Variants in C20orf203 observed in about 807,000 individuals in gnomAD.
C20orf203 encodes the protein uncharacterized protein C20orf203.
Under a neutral mutation model 15.9 loss-of-function variants are expected in C20orf203, and 16 were observed. The ratio of observed to expected loss-of-function variants is 1.01; its 90% CI spans 0.68 to 1.53. The LOEUF is 1.53. Ranked by LOEUF, C20orf203 falls within the 40% of genes most tolerant of loss-of-function variation. C20orf203 has a pLI of 0.00. For synonymous variants in C20orf203, 98 were observed against 97.2 expected (o/e 1.01, Z -0.05); for missense variants, 263 against 247.5 (o/e 1.06, Z -0.42).
intron 5 of C20orf203, among the ~76,000 whole-genome samples, chr20:32,639,116 G>A (rs551788641): frequency 5.9e-5 from 9 of 152,330 alleles, no homozygotes; most frequent in Admixed American, 4.6e-4. Flanking sequence ...TGGCTCCCCT[G>A]GCTGGCCTGG....
At chr20:32,635,730 G>T (rs138014611) in intron 5 of C20orf203, among the ~76,000 whole-genome samples, 1 of 152,322 alleles carries the variant, frequency 6.6e-6, no homozygotes, top group African/African-American at 2.4e-5. Context: ...AGGATCGCTT[G>T]CCTAGGTGAC....
chr20:32,647,149 C>T (rs2145667577), intron 4 of C20orf203, among the ~76,000 whole-genome samples: 1 of 152,332 alleles, frequency 6.6e-6, no homozygotes, highest in South Asian at 2.1e-4. Flanking sequence ...AATCCCAGCA[C>T]TTTGGGAGGC....
chr20:32,659,001 G>A (rs1016889196), intron 1 of C20orf203, among the ~76,000 whole-genome samples: 3 of 151,954 alleles, frequency 2.0e-5, no homozygotes, highest in East Asian at 3.9e-4. Context: ...TCAGCCTCCC[G>A]AGTAGCTGGG....
Position 32,636,976 on chromosome 20 carries a change from G to A in C20orf203, c.*1300-2706C>T, listed in dbSNP as rs529402625. ...AGGACATGTTCACACTCCCACTGCC[G>A]GGAGACAGCAGCCTGAGAGTCACCA... is the stretch of plus-strand genomic sequence containing the variant. On this transcript the variant is annotated intron_variant, in intron 5 of 5. Transcript: ENST00000608990. 5.9e-5 allele frequency among the ~76,000 whole-genome samples: 9 copies of A among 152,296 alleles called. No individual in the cohort carries two copies. In the East Asian group the frequency reaches 1.2e-3, roughly 20 times the overall value.
At chr20:32,669,179 G>C (rs1450333056) in intron 1 of C20orf203, among the ~76,000 whole-genome samples, 1 of 152,202 alleles carries the variant, frequency 6.6e-6, no homozygotes, top group African/African-American at 2.4e-5. Flanking sequence ...ATGCAGGCAA[G>C]GGGCTTGGCC....
intron 1 of C20orf203, among the ~76,000 whole-genome samples, chr20:32,665,533 AGACTG>A (rs1204807813): frequency 1.3e-5 from 2 of 152,238 alleles, no homozygotes; most frequent in Non-Finnish European, 2.9e-5. Flanking sequence ...GCCCTGCCCA[AGACTG>A]GGAAGAGCAA....
At chr20:32,647,395 C>CAAA (rs1181319264) in intron 4 of C20orf203, among the ~76,000 whole-genome samples, 2 of 94,006 alleles carry the variant, frequency 2.1e-5, no homozygotes, top group Non-Finnish European at 2.1e-5. Context: ...AACTCCGTCT[C>CAAA]AAAAAAAAAA....
At chr20:32,666,823 A>G (rs543038211) in intron 1 of C20orf203, among the ~76,000 whole-genome samples, 2 of 106,794 alleles carry the variant, frequency 1.9e-5, no homozygotes, top group Admixed American at 8.9e-5. Flanking sequence ...ATATATATAT[A>G]TAGTTTTGTT....
At chr20:32,671,813 TG>T (rs1983172919) in intron 1 of C20orf203, among the ~76,000 whole-genome samples, 1 of 111,704 alleles carries the variant, frequency 9.0e-6, no homozygotes, top group African/African-American at 3.5e-5. Context: ...CACTCCAGCC[TG>T]GGCAACAAGA....
intron 1 of C20orf203, among the ~76,000 whole-genome samples, chr20:32,652,718 G>A (rs1568751165): frequency 1.3e-5 from 2 of 152,140 alleles, no homozygotes; most frequent in African/African-American, 2.4e-5. Context: ...CTTCCAGGTA[G>A]CCAGACACGC....
At chr20:32,652,986 A>G (rs969543136) in intron 1 of C20orf203, among the ~76,000 whole-genome samples, 5 of 152,186 alleles carry the variant, frequency 3.3e-5, no homozygotes, top group African/African-American at 1.2e-4. Flanking sequence ...GGGCTGGTCT[A>G]GCCACAGGAA....
rs1324847832 is a variant in C20orf203, at chr20:32,650,977, G to A, written c.135+41C>T. 4.1e-6 allele frequency: 6 copies of A among 1,448,492 alleles called. No homozygotes were observed. The East Asian group carries it at 1.5e-4, about 37-fold the overall frequency. 89.7% of individuals were successfully genotyped at this position (1,448,492 alleles called of 1,614,324 possible). A position where few individuals can be genotyped will look rare whatever the true frequency, so the allele number is the denominator to read the frequency against. On this transcript the variant is annotated intron_variant, in intron 3 of 5. Transcript: ENST00000608990. ...TTCCCTAATTTCCCAACAGTCCCCA[G>A]TGTCAGCCCAGGTGTGGGAGACAGG...
intron 4 of C20orf203, among the ~76,000 whole-genome samples, chr20:32,642,080 A>G (rs1982297924): frequency 6.6e-6 from 1 of 152,148 alleles, no homozygotes. Context: ...GACTCAAGCA[A>G]TCCTCCTGCC....
rs954212945 is a variant in C20orf203 at position 32,650,239 on chromosome 20, G to A, written c.*193C>T. On this transcript the variant is annotated 3_prime_UTR_variant, in exon 4 of 6. Coordinates refer to ENST00000608990, the MANE Select transcript of C20orf203 (RefSeq NM_182584.4). ...TGGCACAGCCTCGGTCCCTAATCAT[G>A]TTTGCTGAATGCCTTGAATACAAGC... 3.4e-6 allele frequency: 2 copies of A among 591,564 alleles called. No homozygotes were observed. The highest frequency in any genetic ancestry group is 6.0e-6 in the Non-Finnish European group (2 of 332,536). 36.6% of individuals were successfully genotyped at this position (591,564 alleles called of 1,614,324 possible). A position where few individuals can be genotyped will look rare whatever the true frequency, so the allele number is the denominator to read the frequency against.
intron 4 of C20orf203, among the ~76,000 whole-genome samples, chr20:32,644,193 AT>A (rs1378217556): frequency 1.3e-5 from 2 of 152,212 alleles, no homozygotes; most frequent in African/African-American, 2.4e-5. Context: ...TACGCCTGTA[AT>A]CCTAGCACTT....
rs981746985 is a variant in C20orf203, at chr20:32,636,848, G to T, written c.*1300-2578C>A. 4.6e-5 allele frequency among the ~76,000 whole-genome samples: 7 copies of T among 152,322 alleles called. No individual in the cohort carries two copies. The South Asian group carries it at 8.3e-4, about 18-fold the overall frequency. ...CATTCATCCTGGTCTGCCCAGGACT[G>T]CCCAGTTTTAGCAATGAAAGTCCAG... is the stretch of plus-strand genomic sequence containing the variant. On this transcript the variant is annotated intron_variant, in intron 5 of 5. Coordinates refer to ENST00000608990, the MANE Select transcript of C20orf203 (RefSeq NM_182584.4).
At chr20:32,672,064 C>T (rs1600944489) in intron 1 of C20orf203, among the ~76,000 whole-genome samples, 1 of 152,080 alleles carries the variant, frequency 6.6e-6, no homozygotes, top group Admixed American at 6.6e-5. Context: ...CGCCTGTAAT[C>T]CCAGCACTCC....
chr20:32,663,158 C>T (rs2145680212), intron 1 of C20orf203, among the ~76,000 whole-genome samples: 1 of 151,896 alleles, frequency 6.6e-6, no homozygotes, highest in East Asian at 1.9e-4. Flanking sequence ...CCATGTTGGC[C>T]AGGGTGGTCT....
rs545365814 is a variant in C20orf203, at chr20:32,647,391, G to A, written c.*1177+1864C>T. ...GCCTGGGAGACAAGAGTGAAACTCCGTCTCAAAAAAAAAAAAAAAAGAAGA... is the reference window on the plus strand; with the variant it reads ...GCCTGGGAGACAAGAGTGAAACTCCATCTCAAAAAAAAAAAAAAAAGAAGA... On this transcript the variant is annotated intron_variant, in intron 4 of 5. Coordinates refer to ENST00000608990, the MANE Select transcript of C20orf203 (RefSeq NM_182584.4). Among the ~76,000 whole-genome samples, 218 of 120,524 alleles carry A rather than the reference G, an allele frequency of 1.8e-3. 1 individual carries two copies. The highest frequency in any genetic ancestry group is 5.5e-3 in the African/African-American group (179 of 32,618). 79.1% of individuals were successfully genotyped at this position (120,524 alleles called of 152,430 possible).
Sources: allele counts gnomAD v4.1 joint callset (sites outside exome capture counted in the v4.1 genomes callset), GRCh38; gene constraint gnomAD v4.1.1; transcripts MANE v1.5; gene names NCBI Gene and HGNC (gene_info 2026-07-23, HGNC 2026-07-21).